The following TTLL7 variants were observed in gnomAD, a reference collection of about 807,000 sequenced individuals.
The protein encoded by TTLL7 is tubulin polyglutamylase TTLL7.
In TTLL7, 53 loss-of-function variants were observed where a neutral mutation model predicts 120.2. The ratio of observed to expected loss-of-function variants is 0.44; its 90% confidence interval spans 0.35 to 0.55. The LOEUF is 0.55. Among genes scored for constraint, TTLL7 ranks in the 20% least tolerant of loss-of-function variants. TTLL7 has a pLI of 0.00. For synonymous variants in TTLL7, 353 were observed against 351.7 expected (o/e 1.00, Z -0.04); for missense variants, 803 against 1,054.7 (o/e 0.76, Z 3.31).
intron 3 of TTLL7, among the ~76,000 whole-genome samples, chr1:83,951,124 C>A (rs146805161): frequency 6.6e-6 from 1 of 151,972 alleles, no homozygotes; most frequent in Non-Finnish European, 1.5e-5. Context: ...CCAAGGTGGG[C>A]GGATAACGAG....
At chr1:83,899,153 G>T (rs1245746368) in intron 18 of TTLL7, among the ~76,000 whole-genome samples, 1 of 151,798 alleles carries the variant, frequency 6.6e-6, no homozygotes, top group Non-Finnish European at 1.5e-5. Context: ...TGGGTAAGGG[G>T]TCTTAAATTA....
At chr1:83,956,536 G>A (rs12126515) in intron 1 of TTLL7, among the ~76,000 whole-genome samples, 37 of 149,580 alleles carry the variant, frequency 2.5e-4, no homozygotes, top group African/African-American at 7.9e-4. Flanking sequence ...CAAGTGATTC[G>A]CCTGCCTCAG....
At position 83,890,449 on chromosome 1, in the gene TTLL7, T is replaced by C. The variant is rs1222076423; in HGVS notation, c.2241A>G (p.Thr747=). Reference sequence around the variant, plus strand: ...GCACCTTCCAGATGCGTGGAAGAACTGTACGAATACTTGTTTTCACTATGT... The same window carrying C: ...GCACCTTCCAGATGCGTGGAAGAACCGTACGAATACTTGTTTTCACTATGT... ...VLDIVKTSIR[T]VLPRIWKVPD... is the part of the protein sequence containing the mutation. The change falls in exon 19 of 21, where the codon ACA becomes ACG. Residue 747 remains threonine, a synonymous_variant. Transcript: ENST00000260505. The C allele has an allele frequency of 6.2e-7, 1 of 1,612,844 alleles. No individual in the cohort carries two copies. The highest frequency in any genetic ancestry group is 1.7e-5 in the Admixed American group (1 of 59,826).
intron 20 of TTLL7, 74 bp from the exon 21 acceptor site, chr1:83,870,156 G>C: frequency 7.4e-7 from 1 of 1,356,728 alleles, no homozygotes; most frequent in Non-Finnish European, 9.8e-7. Flanking sequence ...TATGTGGTTA[G>C]CAATTTACGT....
rs1292921831 is a variant in TTLL7, at chr1:83,880,652, GTAC to G, written c.2543+2308_2543+2310del. ...GGCTTAATTTCTTCTATCCTGAATA[GTAC>G]TACAACTTACAAATATTAAAACTTA... On this transcript the variant is annotated intron_variant, in intron 20 of 20. Coordinates refer to ENST00000260505, the MANE Select transcript of TTLL7 (RefSeq NM_024686.6). Among the ~76,000 whole-genome samples the G allele has an allele frequency of 3.9e-5, 6 of 151,990 alleles. No individual in the cohort carries two copies. In the East Asian group the frequency reaches 1.2e-3, roughly 29 times the overall value.
At chr1:83,988,603 T>C (rs1027414760) in intron 1 of TTLL7, among the ~76,000 whole-genome samples, 1 of 152,218 alleles carries the variant, frequency 6.6e-6, no homozygotes, top group Non-Finnish European at 1.5e-5. Context: ...TGGTATCTCA[T>C]TGTGGTTTTG....
At chr1:83,906,484 G>C in intron 16 of TTLL7, 21 bp from the exon 17 acceptor site, 1 of 1,610,680 alleles carries the variant, frequency 6.2e-7, no homozygotes, top group Non-Finnish European at 8.5e-7. Context: ...AAAGAATACA[G>C]ATATTTGGAG....
At chr1:83,990,872 A>G (rs976851640) in intron 1 of TTLL7, among the ~76,000 whole-genome samples, 8 of 152,234 alleles carry the variant, frequency 5.3e-5, no homozygotes, top group African/African-American at 1.9e-4. Context: ...TTAACAGCAC[A>G]GTCTTGAAGA....
At chr1:83,982,878 C>T (rs370046029) in intron 1 of TTLL7, among the ~76,000 whole-genome samples, 13 of 152,290 alleles carry the variant, frequency 8.5e-5, no homozygotes, top group African/African-American at 2.6e-4. Context: ...AAGCTGGAGG[C>T]ATCACATTAC....
intron 1 of TTLL7, among the ~76,000 whole-genome samples, chr1:83,994,036 G>A (rs892424686): frequency 2.6e-5 from 4 of 152,162 alleles, no homozygotes; most frequent in African/African-American, 9.7e-5. Context: ...CACCTTCTAA[G>A]AGCTTACAAA....
intron 14 of TTLL7, among the ~76,000 whole-genome samples, chr1:83,914,231 C>T (rs1657909899): frequency 6.6e-6 from 1 of 151,026 alleles, no homozygotes; most frequent in South Asian, 2.1e-4. Context: ...CCAAACTTTT[C>T]ATGTTTCTAC....
At chr1:83,929,254 A>T in intron 9 of TTLL7, 24 bp from the exon 10 acceptor site, 12 of 1,536,426 alleles carry the variant, frequency 7.8e-6, no homozygotes, top group Non-Finnish European at 1.1e-5. Context: ...AGAAGACAAT[A>T]TTGGAAGGTA....
chr1:83,877,848 TA>T lies in TTLL7; in HGVS notation c.2543+5114del, dbSNP rs1654067795. On this transcript the variant is annotated intron_variant, in intron 20 of 20. Transcript: ENST00000260505. ...TGTCATTAATTTCTTCTATTTTTAT[TA>T]TTTTTTTCTGTATTCTTTGGGCTTA... is the stretch of plus-strand genomic sequence containing the variant. Among the ~76,000 whole-genome samples, 4 of 151,946 alleles carry T rather than the reference TA, an allele frequency of 2.6e-5. No homozygotes were observed. In the South Asian group the frequency reaches 8.3e-4, roughly 31 times the overall value.
intron 8 of TTLL7, among the ~76,000 whole-genome samples, chr1:83,934,572 A>C (rs532977940): frequency 2.0e-5 from 3 of 152,188 alleles, no homozygotes; most frequent in Non-Finnish European, 4.4e-5. Flanking sequence ...AAAACACATA[A>C]TACTACTAGG....
At chr1:83,949,663 G>A (rs1017505028) in intron 4 of TTLL7, 1 of 536,068 alleles carries the variant, frequency 1.9e-6, no homozygotes, top group East Asian at 3.5e-5. Flanking sequence ...CCTAAAGATA[G>A]AAAGAGGTTA....
At chr1:83,991,298 G>C (rs79127244) in intron 1 of TTLL7, among the ~76,000 whole-genome samples, 12 of 152,242 alleles carry the variant, frequency 7.9e-5, no homozygotes, top group Non-Finnish European at 1.8e-4. Context: ...AATGTGAACT[G>C]TATACCTCTG....
chr1:83,908,829 T>C (rs2100766498), intron 15 of TTLL7, among the ~76,000 whole-genome samples: 1 of 152,096 alleles, frequency 6.6e-6, no homozygotes, highest in East Asian at 1.9e-4. Flanking sequence ...TTTAAACCTT[T>C]ATAAAGGGAA....
At chr1:83,934,614 G>A (rs943124427) in intron 8 of TTLL7, among the ~76,000 whole-genome samples, 1 of 152,086 alleles carries the variant, frequency 6.6e-6, no homozygotes, top group African/African-American at 2.4e-5. Context: ...TTAAAAAGTT[G>A]TTTTACTGAA....
rs1658625120 is a variant in TTLL7 at position 83,921,198 on chromosome 1, A to C, written c.1291-38T>G. 3.1e-6 allele frequency: 5 copies of C among 1,609,504 alleles called. 1 individual carries two copies. The highest frequency in any genetic ancestry group is 3.4e-5 in the Admixed American group (2 of 58,994). Reference sequence around the variant, plus strand: ...AAAATTTTACAAATAAAATCCAACAAGTGAATTATGCAATTTAAATTGTGG... The same window carrying C: ...AAAATTTTACAAATAAAATCCAACACGTGAATTATGCAATTTAAATTGTGG... On this transcript the variant is annotated intron_variant, in intron 11 of 20. Coordinates refer to ENST00000260505, the MANE Select transcript of TTLL7 (RefSeq NM_024686.6).
Sources: gnomAD v4.1 joint callset for allele counts (sites outside exome capture counted in the v4.1 genomes callset) on GRCh38, gnomAD v4.1.1 for gene constraint, MANE v1.5 for transcripts, NCBI Gene and HGNC (gene_info 2026-07-23, HGNC 2026-07-21) for gene names.